KIAA1217: variants seen among roughly 807,000 people sequenced by gnomAD.
KIAA1217 encodes sickle tail protein homolog.
A neutral mutation model predicts 163.9 loss-of-function variants in KIAA1217; 88 were observed. That is an observed-to-expected ratio of 0.54 (90% CI 0.45 to 0.64). The LOEUF is 0.64. Among genes scored for constraint, KIAA1217 ranks in the 30% least tolerant of loss-of-function variants. The pLI, the probability that KIAA1217 is intolerant of heterozygous loss-of-function variation, is 0.00. For synonymous variants in KIAA1217, 903 were observed against 923.1 expected (o/e 0.98, Z 0.39); for missense variants, 2,372 against 2,475.0 (o/e 0.96, Z 0.88).
At chr10:23,849,578 G>C (rs900873556) in intron 1 of KIAA1217, among the ~76,000 whole-genome samples, 5 of 152,138 alleles carry the variant, frequency 3.3e-5, no homozygotes, top group Admixed American at 1.3e-4. Context: ...CTCACTCTCT[G>C]TGAGTTAATG....
chr10:24,313,589 G>A (rs865972664), intron 2 of KIAA1217, among the ~76,000 whole-genome samples: 22 of 152,130 alleles, frequency 1.4e-4, no homozygotes, highest in Non-Finnish European at 2.1e-4. Flanking sequence ...GTATTTTCAC[G>A]CGGGATGTCC....
chr10:24,438,369 G>C lies in KIAA1217; in HGVS notation c.753-17G>C. The C allele has an allele frequency of 6.4e-7, 1 of 1,572,656 alleles. No homozygotes were observed. Among genetic ancestry groups the C allele is most frequent in the Non-Finnish European group, 8.8e-7 (1 of 1,142,652 alleles). ...GCTTCTTTCATCTGCCATAGTTATC[G>C]ATGTTTTTGATTCCAGGAACATTCA... On this transcript the variant is annotated splice_polypyrimidine_tract_variant and intron_variant, in intron 4 of 20. Coordinates refer to ENST00000376454, the MANE Select transcript of KIAA1217 (RefSeq NM_019590.5).
Position 24,007,375 on chromosome 10 carries a change from G to A in KIAA1217, c.-171+1G>A, listed in dbSNP as rs1165105471. 2.6e-5 allele frequency: 4 copies of A among 152,018 alleles called. No homozygotes were observed. Among genetic ancestry groups the A allele is most frequent in the African/African-American group, 4.8e-5 (2 of 41,384 alleles). 9.4% of individuals were successfully genotyped at this position (152,018 alleles called of 1,614,324 possible). Reference sequence around the variant, plus strand: ...CTCCTCCTGCTTATTTTCTTTTTGGGTAAGGTCTATCTTTTTATTAAATCA... The same window carrying A: ...CTCCTCCTGCTTATTTTCTTTTTGGATAAGGTCTATCTTTTTATTAAATCA... On this transcript the variant is annotated splice_donor_variant, in intron 2 of 18. Coordinates refer to the KIAA1217 transcript ENST00000376462. LOFTEE classifies it low-confidence loss of function (5UTR_SPLICE).
chr10:23,879,284 A>G (rs1263397494), intron 1 of KIAA1217, among the ~76,000 whole-genome samples: 1 of 151,926 alleles, frequency 6.6e-6, no homozygotes, highest in Non-Finnish European at 1.5e-5. Flanking sequence ...CTTGTGACTT[A>G]GGTTAAGTAC....
rs546644422 is a variant in KIAA1217 at position 23,921,423 on chromosome 10, T to C, written c.-320-85802T>C. 9.8e-4 allele frequency among the ~76,000 whole-genome samples: 150 copies of C among 152,292 alleles called. 1 individual carries two copies. Among genetic ancestry groups the C allele is most frequent in the Non-Finnish European group, 1.7e-3 (115 of 68,012 alleles). On this transcript the variant is annotated intron_variant, in intron 1 of 18. Transcript: ENST00000376462. ...CTCCATCTGCTTGAATAATTTAGCTTAAGATTCCAGCACATTGTTGTCACT... is the reference window on the plus strand; with the variant it reads ...CTCCATCTGCTTGAATAATTTAGCTCAAGATTCCAGCACATTGTTGTCACT...
chr10:24,082,859 C>T lies in KIAA1217; in HGVS notation c.-171+75485C>T, dbSNP rs143153010. ...ATGGTTGAACTAATTTACATTCCCA[C>T]CAACAGTGTAAAAGTGTTCCTATTT... On this transcript the variant is annotated intron_variant, in intron 2 of 18. Transcript: ENST00000376462. Among the ~76,000 whole-genome samples, 372 of 152,300 alleles carry T rather than the reference C, an allele frequency of 2.4e-3. 3 individuals carry two copies. The highest frequency in any genetic ancestry group is 8.2e-3 in the African/African-American group (341 of 41,556).
chr10:24,102,235 C>A (rs78723161), intron 2 of KIAA1217, among the ~76,000 whole-genome samples: 1 of 152,056 alleles, frequency 6.6e-6, no homozygotes, highest in South Asian at 2.1e-4. Flanking sequence ...CAGTTGCTTT[C>A]CTATATACCA....
intron 4 of KIAA1217, among the ~76,000 whole-genome samples, chr10:24,434,025 C>CTTTTTT (rs569791889): frequency 8.3e-5 from 6 of 72,628 alleles, no homozygotes; most frequent in Non-Finnish European, 1.2e-4. Flanking sequence ...CTCTCTCTCT[C>CTTTTTT]TTTTTTTTTT....
At chr10:24,087,835 A>G (rs2061753763) in intron 2 of KIAA1217, among the ~76,000 whole-genome samples, 1 of 152,214 alleles carries the variant, frequency 6.6e-6, no homozygotes, top group African/African-American at 2.4e-5. Context: ...GAGTTAGGGA[A>G]TGCGTACACT....
rs532865399 is a variant in KIAA1217, at chr10:24,092,027, C to A, written c.-171+84653C>A. ...ACCTTTTTATCAAAAGCCAGTCCCT[C>A]CCATCCTACCAGAAACCTCACTATC... is the stretch of plus-strand genomic sequence containing the variant. On this transcript the variant is annotated intron_variant, in intron 2 of 18. Transcript: ENST00000376462. 4.0e-5 allele frequency among the ~76,000 whole-genome samples: 6 copies of A among 151,860 alleles called. No individual in the cohort carries two copies. In the South Asian group the frequency reaches 1.2e-3, roughly 31 times the overall value.
At chr10:23,781,303 A>G (rs1309516018) in intron 1 of KIAA1217, among the ~76,000 whole-genome samples, 1 of 152,150 alleles carries the variant, frequency 6.6e-6, no homozygotes, top group Non-Finnish European at 1.5e-5. Flanking sequence ...GATAATAGCC[A>G]TACTAATAAG....
intron 2 of KIAA1217, among the ~76,000 whole-genome samples, chr10:24,165,850 C>G (rs1414054917): frequency 6.6e-6 from 1 of 152,140 alleles, no homozygotes; most frequent in Admixed American, 6.5e-5. Flanking sequence ...TTTGCTGAAC[C>G]TTTAGCAAGA....
intron 1 of KIAA1217, among the ~76,000 whole-genome samples, chr10:23,983,361 T>C (rs577425104): frequency 1.4e-4 from 21 of 152,312 alleles, no homozygotes; most frequent in African/African-American, 4.8e-4. Flanking sequence ...AGAAGTTTAA[T>C]TGGCTCATGA....
intron 2 of KIAA1217, among the ~76,000 whole-genome samples, chr10:24,274,225 G>A (rs947673599): frequency 1.3e-5 from 2 of 152,152 alleles, no homozygotes; most frequent in Non-Finnish European, 2.9e-5. Flanking sequence ...GCCATTGCTG[G>A]CCAGGCACAA....
intron 2 of KIAA1217, among the ~76,000 whole-genome samples, chr10:24,036,284 C>T (rs189182824): frequency 1.3e-5 from 2 of 152,286 alleles, no homozygotes; most frequent in Admixed American, 6.5e-5. Context: ...TGAGGATTTA[C>T]GTCAACAGAA....
intron 2 of KIAA1217, among the ~76,000 whole-genome samples, chr10:24,270,317 TG>T (rs1220467004): frequency 6.6e-6 from 1 of 152,178 alleles, no homozygotes; most frequent in African/African-American, 2.4e-5. Flanking sequence ...TGGTCATAGG[TG>T]GCTCATCTTC....
chr10:24,285,384 T>G (rs568906195), intron 2 of KIAA1217, among the ~76,000 whole-genome samples: 15 of 152,306 alleles, frequency 9.8e-5, no homozygotes, highest in Non-Finnish European at 2.1e-4. Context: ...CTTTAATCCA[T>G]CTTGGGGTAA....
intron 2 of KIAA1217, among the ~76,000 whole-genome samples, chr10:24,019,706 T>C (rs2131510192): frequency 6.6e-6 from 1 of 152,188 alleles, no homozygotes; most frequent in South Asian, 2.1e-4. Context: ...ATTTCTACAA[T>C]GGCAGCACAC....
chr10:23,696,017 C>G (rs1307291012), intron 1 of KIAA1217, among the ~76,000 whole-genome samples: 2 of 152,316 alleles, frequency 1.3e-5, no homozygotes, highest in East Asian at 1.9e-4. Flanking sequence ...CTCCGAGACC[C>G]CGGACTGTCC....
Sources: allele counts gnomAD v4.1 joint callset (sites outside exome capture counted in the v4.1 genomes callset), GRCh38; gene constraint gnomAD v4.1.1; transcripts MANE v1.5; gene names NCBI Gene and HGNC (gene_info 2026-07-23, HGNC 2026-07-21).